The following ODF2 variants were observed in gnomAD, a reference collection of about 807,000 sequenced individuals.
The protein encoded by ODF2 is outer dense fiber of sperm tails 2.
ODF2 carries 47 observed loss-of-function variants against 110.2 expected under a neutral mutation model. That is an observed-to-expected ratio of 0.43 (90% CI 0.34 to 0.54). ODF2 has a LOEUF of 0.54. ODF2 is among the 20% of genes least tolerant of loss of function. ODF2 has a pLI of 0.03. For synonymous variants in ODF2, 352 were observed against 397.7 expected (o/e 0.89, Z 1.37); for missense variants, 812 against 1,054.5 (o/e 0.77, Z 3.19).
intron 14 of ODF2, among the ~76,000 whole-genome samples, chr9:128,491,205 C>T (rs943838306): frequency 5.3e-5 from 8 of 151,874 alleles, no homozygotes; most frequent in East Asian, 3.9e-4. Flanking sequence ...CCAGCACGTC[C>T]GGCTGATTTT....
At chr9:128,472,981 A>T (rs1251542242) in exon 7 of ODF2, 1 of 1,614,050 alleles carries the variant, frequency 6.2e-7, no homozygotes, top group Non-Finnish European at 8.5e-7. Context: ...GCGGAAATGG[A>T]TGGGGCTGCG....
In ODF2 at chr9:128,494,881, C is replaced by T. The variant is rs1297670512; in HGVS notation, c.1911+213C>T. ...GTGATTGTAGTTATAGGAGCCGTCA[C>T]TTGCGTGGAGTCACTGGGCCCTCCT... On this transcript the variant is annotated intron_variant, in intron 17 of 20. Coordinates refer to ENST00000604420, the Ensembl canonical transcript of ODF2. This position sits in a 1 kb window ranked among gnomAD's most constrained non-coding sequence, Gnocchi z 4.6. The T allele has an allele frequency of 6.9e-7, 1 of 1,447,438 alleles. No individual in the cohort carries two copies. The highest frequency in any genetic ancestry group is 1.4e-5 in the African/African-American group (1 of 70,504). The allele number at this position is 1,447,438 out of a possible 1,614,324, so 89.7% of individuals were successfully genotyped here.
At chr9:128,495,154 C>A (rs1207873552) in intron 17 of ODF2, among the ~76,000 whole-genome samples, 3 of 152,258 alleles carry the variant, frequency 2.0e-5, no homozygotes, top group African/African-American at 7.2e-5. Context: ...CTACGGCCTG[C>A]AGTGTCCAAG....
At chr9:128,465,486 T>TA (rs1837605412) in intron 4 of ODF2, among the ~76,000 whole-genome samples, 2 of 152,216 alleles carry the variant, frequency 1.3e-5, no homozygotes, top group African/African-American at 4.8e-5. Flanking sequence ...CTCACGCCTG[T>TA]AATCTCAGCA....
intron 8 of ODF2, among the ~76,000 whole-genome samples, chr9:128,474,728 G>T (rs1840871698): frequency 6.6e-6 from 1 of 151,842 alleles, no homozygotes; most frequent in Non-Finnish European, 1.5e-5. Flanking sequence ...TTGGGAGGCC[G>T]AGGCGGGCGG....
At chr9:128,478,469 G>A (rs1371947103) in intron 8 of ODF2, among the ~76,000 whole-genome samples, 3 of 148,314 alleles carry the variant, frequency 2.0e-5, no homozygotes, top group African/African-American at 7.9e-5. Flanking sequence ...ATGGCGGTAC[G>A]CTCCTGTAGT....
At position 128,459,664 on chromosome 9, in the gene ODF2, G is replaced by A; in HGVS notation, c.123+7G>A. The A allele has an allele frequency of 6.2e-7, 1 of 1,608,354 alleles. No individual in the cohort carries two copies. The highest frequency in any genetic ancestry group is 1.1e-5 in the South Asian group (1 of 90,816). On this transcript the variant is annotated splice_region_variant and intron_variant, in intron 3 of 20. Coordinates refer to ENST00000604420, the Ensembl canonical transcript of ODF2. ...ACCCAGTGTAACTGTGACGGTAGGT[G>A]ATGCACTCACGTAGCAGCCCTCTTT...
chr9:128,459,691 G>T, intron 3 of ODF2, 34 bp downstream of exon 2: 1 of 1,544,426 alleles, frequency 6.5e-7, no homozygotes, highest in Non-Finnish European at 8.9e-7. Context: ...GCCCTCTTTG[G>T]TCACCTTGCT....
intron 16 of ODF2, among the ~76,000 whole-genome samples, chr9:128,493,576 T>C (rs1369842063): frequency 6.6e-6 from 1 of 152,172 alleles, no homozygotes; most frequent in Non-Finnish European, 1.5e-5. Context: ...GTTTGGCTGA[T>C]TAGAGCAGCG....
At chr9:128,469,442 G>C (rs113919320) in intron 5 of ODF2, 89 bp downstream of exon 5, 2 of 1,386,986 alleles carry the variant, frequency 1.4e-6, no homozygotes, top group Non-Finnish European at 2.0e-6. Flanking sequence ...CTCAGCCTGC[G>C]TCTGCAGGCC....
chr9:128,498,960 T>G, intron 19 of ODF2, 41 bp from the exon 20 acceptor site: 1 of 1,610,756 alleles, frequency 6.2e-7, no homozygotes, highest in South Asian at 1.1e-5. Context: ...GTTCCCCATG[T>G]CCGGTAAACC....
chr9:128,455,312 A>C (rs554776020), upstream of ODF2: 2 of 1,277,304 alleles, frequency 1.6e-6, no homozygotes, highest in Non-Finnish European at 2.2e-6. Context: ...AGCACTTTGG[A>C]AGGCCGAGGC....
intron 14 of ODF2, among the ~76,000 whole-genome samples, chr9:128,490,778 A>C (rs1228468677): frequency 6.6e-6 from 1 of 152,118 alleles, no homozygotes; most frequent in Non-Finnish European, 1.5e-5. Context: ...TTTCTGATTT[A>C]ACTATATTTA....
intron 8 of ODF2, among the ~76,000 whole-genome samples, chr9:128,481,352 T>C (rs1267659092): frequency 6.6e-6 from 1 of 152,024 alleles, no homozygotes; most frequent in Non-Finnish European, 1.5e-5. Flanking sequence ...TAGTGCATGC[T>C]TGTTGTTCCA....
intron 7 of ODF2, chr9:128,473,355 G>GAAGCA: frequency 1.3e-6 from 1 of 769,808 alleles, no homozygotes; most frequent in Non-Finnish European, 1.6e-6. Context: ...CTTCCTCCAG[G>GAAGCA]AAGTCTGCCC....
chr9:128,497,446 A>AAAAAAAAAACATATAT (rs1554857542), intron 18 of ODF2: 4 of 42,598 alleles, frequency 9.4e-5, no homozygotes, highest in African/African-American at 6.0e-4. Flanking sequence ...AAAAAAAAAA[A>AAAAAAAAAACATATAT]ATATATATAT....
intron 14 of ODF2, among the ~76,000 whole-genome samples, chr9:128,490,237 C>T (rs1357216512): frequency 6.6e-6 from 1 of 151,992 alleles, no homozygotes; most frequent in Admixed American, 6.6e-5. Flanking sequence ...TAGTGTATTA[C>T]AGTGTGGTCA....
At chr9:128,474,370 G>A (rs1366408553) in intron 8 of ODF2, among the ~76,000 whole-genome samples, 1 of 152,198 alleles carries the variant, frequency 6.6e-6, no homozygotes, top group East Asian at 1.9e-4. Flanking sequence ...GCGTGCACCT[G>A]TAATCCCAGC....
At chr9:128,482,742 C>A (rs1842640945) in intron 9 of ODF2, 74 bp from the exon 10 acceptor site, 21 of 1,211,758 alleles carry the variant, frequency 1.7e-5, no homozygotes, top group Non-Finnish European at 2.5e-5. Context: ...CAGGTACTCA[C>A]AAATCTCTGT....
Sources: allele counts gnomAD v4.1 joint callset (sites outside exome capture counted in the v4.1 genomes callset), GRCh38; gene constraint gnomAD v4.1.1; non-coding constraint Gnocchi (gnomAD v3.1); transcripts MANE v1.5; gene names NCBI Gene and HGNC (gene_info 2026-07-23, HGNC 2026-07-21).